The following PRR5 variants were observed in gnomAD, a reference collection of about 807,000 sequenced individuals.
The protein encoded by PRR5 is proline rich 5, also known as proline-rich protein 5.
In PRR5, 25 loss-of-function variants were observed where a neutral mutation model predicts 30.6. That is an observed-to-expected ratio of 0.82 (90% confidence interval 0.60 to 1.14). PRR5 has a LOEUF of 1.14. Among genes scored for constraint, PRR5 ranks in the 50% most tolerant of loss-of-function variants. The pLI, the probability that PRR5 is intolerant of heterozygous loss-of-function variation, is 0.00. For synonymous variants in PRR5, 286 were observed against 247.1 expected, an observed-to-expected ratio of 1.16 and a Z score of -1.48; for missense variants, 600 against 547.1, an observed-to-expected ratio of 1.10 and a Z score of -0.96.
chr22:44,730,806 C>T (rs776137726), intron 4 of PRR5: 7 of 518,188 alleles, frequency 1.4e-5, no homozygotes, highest in Non-Finnish European at 2.2e-5. Flanking sequence ...CTGGCCTGGC[C>T]CTGGGTCCTC....
intron 1 of PRR5, among the ~76,000 whole-genome samples, chr22:44,670,253 C>T (rs942712288): frequency 1.3e-5 from 2 of 152,186 alleles, no homozygotes; most frequent in African/African-American, 4.8e-5. Flanking sequence ...AGCCCAAGTC[C>T]CCCAGCAGTC....
At chr22:44,674,089 G>A (rs1923574356), upstream of PRR5, among the ~76,000 whole-genome samples, 2 of 151,936 alleles carry the variant, frequency 1.3e-5, no homozygotes, top group South Asian at 4.1e-4. Context: ...AAGTCCTGTT[G>A]CACAGTGTCA....
At chr22:44,706,049 C>G (rs1927144471) in intron 1 of PRR5, among the ~76,000 whole-genome samples, 1 of 152,216 alleles carries the variant, frequency 6.6e-6, no homozygotes, top group Admixed American at 6.5e-5. Flanking sequence ...ATCCGCCTGC[C>G]TCAGCCTCCG....
intron 1 of PRR5, among the ~76,000 whole-genome samples, chr22:44,689,365 C>G (rs1925039286): frequency 1.3e-5 from 2 of 152,312 alleles, no homozygotes; most frequent in Admixed American, 1.3e-4. Flanking sequence ...CATCCCTTAT[C>G]AGACACCCCC....
intron 2 of PRR5, among the ~76,000 whole-genome samples, chr22:44,714,994 C>T (rs1039597829): frequency 2.0e-5 from 3 of 152,226 alleles, no homozygotes; most frequent in African/African-American, 7.2e-5. Flanking sequence ...CTGACGGCCC[C>T]CACTGGTGCT....
intron 1 of PRR5, among the ~76,000 whole-genome samples, chr22:44,685,984 G>A (rs1924712739): frequency 6.6e-6 from 1 of 152,000 alleles, no homozygotes; most frequent in South Asian, 2.1e-4. Flanking sequence ...GCCCGGCATG[G>A]TGGCTCACGT....
At chr22:44,684,503 C>T (rs1024011513) in intron 1 of PRR5, among the ~76,000 whole-genome samples, 2 of 152,158 alleles carry the variant, frequency 1.3e-5, no homozygotes, top group African/African-American at 2.4e-5. Context: ...GCCGAGATCG[C>T]GCCATTGTAC....
intron 1 of PRR5, among the ~76,000 whole-genome samples, chr22:44,670,062 A>G (rs1923335339): frequency 6.6e-6 from 1 of 152,228 alleles, no homozygotes; most frequent in South Asian, 2.1e-4. Flanking sequence ...TGCATTTTGT[A>G]AGTCCCCCAT....
chr22:44,705,677 T>C (rs777482300), intron 1 of PRR5, among the ~76,000 whole-genome samples: 2 of 152,032 alleles, frequency 1.3e-5, no homozygotes, highest in Non-Finnish European at 2.9e-5. Context: ...CAGGCTGGAG[T>C]GCACTGGTGC....
At chr22:44,706,628 C>T (rs1294538317) in intron 1 of PRR5, among the ~76,000 whole-genome samples, 6 of 152,178 alleles carry the variant, frequency 3.9e-5, no homozygotes, top group Non-Finnish European at 7.4e-5. Flanking sequence ...TCCCAGGCTC[C>T]AGCGATCCTC....
intron 1 of PRR5, among the ~76,000 whole-genome samples, chr22:44,689,683 C>T (rs1278516317): frequency 2.0e-5 from 3 of 152,208 alleles, no homozygotes; most frequent in Admixed American, 2.0e-4. Context: ...GAGTCTCGCT[C>T]TATCACCCAG....
At chr22:44,707,193 G>C (rs533707993) in intron 1 of PRR5, among the ~76,000 whole-genome samples, 25 of 152,204 alleles carry the variant, frequency 1.6e-4, no homozygotes, top group Non-Finnish European at 2.8e-4. Context: ...TGGCCCCTGT[G>C]CCCCTATGGG....
intron 4 of PRR5, chr22:44,729,923 G>A: frequency 1.0e-6 from 1 of 985,482 alleles, no homozygotes; most frequent in Non-Finnish European, 1.2e-6. Flanking sequence ...GGGGACTGAA[G>A]GGACTTTGTG....
intron 4 of PRR5, chr22:44,730,044 C>T: frequency 1.0e-6 from 1 of 985,454 alleles, no homozygotes; most frequent in Non-Finnish European, 1.2e-6. Context: ...AGAGGGCTGG[C>T]CACTGGGCTG....
chr22:44,687,624 G>A (rs1924867077), intron 1 of PRR5, among the ~76,000 whole-genome samples: 1 of 152,120 alleles, frequency 6.6e-6, no homozygotes, highest in South Asian at 2.1e-4. Context: ...AAGCCCTCTG[G>A]TGTTCTGTGG....
intron 1 of PRR5, among the ~76,000 whole-genome samples, chr22:44,711,327 G>A (rs1928200375): frequency 6.6e-6 from 1 of 152,182 alleles, no homozygotes; most frequent in Admixed American, 6.5e-5. Flanking sequence ...CGAGCCCCAG[G>A]CAGAGGGAAC....
intron 3 of PRR5, 73 bp from the exon 4 acceptor site, chr22:44,726,504 C>A (rs773881278): frequency 1.2e-5 from 20 of 1,606,672 alleles, no homozygotes; most frequent in Non-Finnish European, 1.6e-5. Flanking sequence ...GATGGACTCT[C>A]GGGGGCCCTG....
At chr22:44,729,952 G>A (rs75258050) in intron 4 of PRR5, 18,394 of 985,456 alleles carry the variant, frequency 0.019, 254 homozygotes, top group Admixed American at 0.046. Context: ...CAGTTCGGCG[G>A]GGCGGTGAGC....
chr22:44,679,818 TCA>T, intron 1 of PRR5: 2 of 1,598,980 alleles, frequency 1.3e-6, no homozygotes, highest in African/African-American at 1.3e-5. Context: ...TTTGGAACTT[TCA>T]CAGAGGGAAG....
Sources: allele counts gnomAD v4.1 joint callset (sites outside exome capture counted in the v4.1 genomes callset), GRCh38; gene constraint gnomAD v4.1.1; transcripts MANE v1.5; gene names NCBI Gene and HGNC (gene_info 2026-07-23, HGNC 2026-07-21).